Variants in SPTBN5 observed in about 807,000 individuals in gnomAD.
SPTBN5 encodes the protein spectrin beta, non-erythrocytic 5, also known as spectrin beta chain, non-erythrocytic 5.
SPTBN5 carries 513 observed loss-of-function variants against 477.6 expected under a neutral mutation model. That is an observed-to-expected ratio of 1.07 (90% confidence interval 1.00 to 1.16). The LOEUF (loss-of-function observed/expected upper bound fraction) is 1.16, where lower values mean the gene tolerates loss of function less well. SPTBN5 is among the 50% of genes most tolerant of loss of function. The pLI, the probability that SPTBN5 is intolerant of heterozygous loss-of-function variation, is 0.00. For synonymous variants in SPTBN5, 2,169 were observed against 2,011.7 expected, an observed-to-expected ratio of 1.08 and a Z score of -2.09; for missense variants, 5,062 against 4,731.8, an observed-to-expected ratio of 1.07 and a Z score of -2.05.
chr15:41,857,252 C>T lies in SPTBN5; in HGVS notation c.8607G>A (p.Arg2869=), dbSNP rs1395034051. Residue 2869 remains arginine, a synonymous_variant, in exon 51 of 68, where the codon CGG becomes CGA. Transcript: ENST00000320955. ...CLAQDVEEQA[R]RLLQRFKSLR... is the part of the protein sequence containing the mutation. Reference sequence around the variant, plus strand: ...GGTGGATCTACCTCTGAAGCAGCCGCCGGGCCTGCTCTTCCACATCTTGGG... The same window carrying T: ...GGTGGATCTACCTCTGAAGCAGCCGTCGGGCCTGCTCTTCCACATCTTGGG... The T allele has an allele frequency of 1.3e-6, 2 of 1,583,576 alleles. No homozygotes were observed. The highest frequency in any genetic ancestry group is 2.3e-5 in the South Asian group (2 of 87,260).
chr15:41,863,648 C>T, intron 41 of SPTBN5, 56 bp downstream of exon 41: 1 of 1,405,328 alleles, frequency 7.1e-7, no homozygotes, highest in Non-Finnish European at 1.0e-6. Flanking sequence ...GGCAGTGCCC[C>T]CTCCCCTGAC....
chr15:41,859,973 A>G (rs761915802), intron 47 of SPTBN5, among the ~76,000 whole-genome samples: 18 of 152,202 alleles, frequency 1.2e-4, no homozygotes, highest in Non-Finnish European at 2.4e-4. Context: ...TTGATCTAAA[A>G]GTCTGAGGAG....
chr15:41,855,640 C>A lies in SPTBN5; in HGVS notation c.9127G>T (p.Ala3043Ser). 6.2e-7 allele frequency: 1 copy of A among 1,608,132 alleles called. No homozygotes were observed. Among genetic ancestry groups the A allele is most frequent in the Non-Finnish European group, 8.5e-7 (1 of 1,178,982 alleles). The change falls in exon 54 of 68, where the codon GCC becomes TCC. Residue 3043 changes from alanine (A) to serine (S), a missense_variant. Physicochemically the swap from Ala to Ser is moderately conservative, Grantham distance 99. Transcript: ENST00000320955. ...AACGCTTCCAGGTCTCTCTTGGTGG[C>A]CTCCAGCCGCCGCAGAAGGGCCTGT... is the stretch of plus-strand genomic sequence containing the variant. The part of the protein sequence containing the change: ...ATQALLRRLE[A>S]TKRDLEAFSP...
At chr15:41,859,047 T>C in intron 47 of SPTBN5, 67 bp from the exon 48 acceptor site, 1 of 1,307,296 alleles carries the variant, frequency 7.6e-7, no homozygotes, top group Non-Finnish European at 1.0e-6. Context: ...CCGTCCAGCC[T>C]AGGCTTTCTC....
chr15:41,854,194 T>C lies in SPTBN5; in HGVS notation c.9630A>G (p.Ala3210=). 1 of 1,598,168 alleles carries C rather than the reference T, an allele frequency of 6.3e-7. No individual in the cohort carries two copies. The highest frequency in any genetic ancestry group is 8.5e-7 in the Non-Finnish European group (1 of 1,172,632). ...AIKARTENLA[A]AHEVHSFQQA... ...GCTGAAAGCTGTGGACCTCATGGGC[T>C]GCAGCCAAGTTCTGGGAGAGGAGAA... Residue 3210 remains alanine (A), a synonymous_variant, in exon 57 of 68, where the codon GCA becomes GCG. Coordinates refer to ENST00000320955, the MANE Select transcript of SPTBN5 (RefSeq NM_016642.4).
At chr15:41,852,110 ACAGCCC>A (rs1204808866) in intron 62 of SPTBN5, 66 bp downstream of exon 62, 3 of 1,502,250 alleles carry the variant, frequency 2.0e-6, no homozygotes, top group South Asian at 1.3e-5. Flanking sequence ...CCTCACCCCC[ACAGCCC>A]CAGCCCCACT....
Position 41,856,192 on chromosome 15 carries a change from G to A in SPTBN5, c.9021+194C>T, listed in dbSNP as rs559643987. Among the ~76,000 whole-genome samples, 9 of 152,356 alleles carry A rather than the reference G, an allele frequency of 5.9e-5. No individual in the cohort carries two copies. In the South Asian group the frequency reaches 1.9e-3, roughly 32 times the overall value. ...CTGGTTGAGACCCACTGATCTAGAGGGAAAAAAGACAAAAGCCAACCCAGC... is the reference window on the plus strand; with the variant it reads ...CTGGTTGAGACCCACTGATCTAGAGAGAAAAAAGACAAAAGCCAACCCAGC... On this transcript the variant is annotated intron_variant, in intron 53 of 67. Coordinates refer to ENST00000320955, the MANE Select transcript of SPTBN5 (RefSeq NM_016642.4).
chr15:41,883,618 A>G, intron 7 of SPTBN5, 132 bp from the exon 8 acceptor site: 1 of 1,022,588 alleles, frequency 9.8e-7, no homozygotes, highest in Non-Finnish European at 1.4e-6. Context: ...AGGTCTATGG[A>G]CTCTGACAGC....
intron 43 of SPTBN5, 100 bp from the exon 44 acceptor site, chr15:41,862,392 G>T: frequency 6.6e-7 from 1 of 1,520,284 alleles, no homozygotes; most frequent in Non-Finnish European, 8.8e-7. Context: ...CCACAGGAGG[G>T]CCCATGGGCT....
chr15:41,854,775 C>G lies in SPTBN5; in HGVS notation c.9618+7G>C. 1 of 1,511,576 alleles carries G rather than the reference C, an allele frequency of 6.6e-7. No individual in the cohort carries two copies. The highest frequency in any genetic ancestry group is 1.3e-5 in the South Asian group (1 of 75,518). The allele number at this position is 1,511,576 out of a possible 1,614,324, so 93.6% of individuals were successfully genotyped here. A position where few individuals can be genotyped will look rare whatever the true frequency, so the allele number is the denominator to read the frequency against. ...CCCTTAGCTTGGCCCGGCCTGTGAT[C>G]ACCTACCTCTGTGCGGGCTTTTATT... On this transcript the variant is annotated splice_region_variant and intron_variant, in intron 56 of 67. Coordinates refer to ENST00000320955, the MANE Select transcript of SPTBN5 (RefSeq NM_016642.4).
At position 41,850,867 on chromosome 15, in the gene SPTBN5, C is replaced by A. The variant is rs969206809; in HGVS notation, c.10908G>T (p.Leu3636=). Residue 3636 remains leucine (L), a synonymous_variant, in exon 66 of 68, where the codon CTG becomes CTT. Transcript: ENST00000320955. ...EEQAESWWRA[L]GSTAAQSLSP... is the part of the protein sequence containing the mutation. Reference sequence around the variant, plus strand: ...CCTGAAGCCCACCTGCAGTGCTGCCCAGGGCTCGCCACCAGCTCTCAGCCT... The same window carrying A: ...CCTGAAGCCCACCTGCAGTGCTGCCAAGGGCTCGCCACCAGCTCTCAGCCT... 1 of 1,599,152 alleles carries A rather than the reference C, an allele frequency of 6.3e-7. No individual in the cohort carries two copies. Among genetic ancestry groups the A allele is most frequent in the East Asian group, 2.3e-5 (1 of 44,050 alleles).
In SPTBN5 at chr15:41,852,429, C is replaced by T. The variant is rs565674583; in HGVS notation, c.10450-113G>A. ...CCTCCCGGTCAGAGGGGGCCTGCCT[C>T]CCCATCACTAGCTCTTTCAGCTTTG... On this transcript the variant is annotated intron_variant, in intron 61 of 67. Coordinates refer to ENST00000320955, the MANE Select transcript of SPTBN5 (RefSeq NM_016642.4). 8 of 1,404,512 alleles carry T rather than the reference C, an allele frequency of 5.7e-6. No homozygotes were observed. The East Asian group carries it at 1.7e-4, about 30-fold the overall frequency. The allele number at this position is 1,404,512 out of a possible 1,614,324, so 87.0% of individuals were successfully genotyped here. A position where few individuals can be genotyped will look rare whatever the true frequency, so the allele number is the denominator to read the frequency against.
chr15:41,884,514 C>T (rs759271150), intron 7 of SPTBN5, among the ~76,000 whole-genome samples: 35 of 152,168 alleles, frequency 2.3e-4, no homozygotes, highest in Non-Finnish European at 4.1e-4. Flanking sequence ...GAACCCCACC[C>T]CTTGTCACCA....
At position 41,874,715 on chromosome 15, in the gene SPTBN5, C is replaced by A. The variant is rs1314520615; in HGVS notation, c.4502+127G>T. On this transcript the variant is annotated intron_variant, in intron 23 of 67. Transcript: ENST00000320955. ...AAGCATAATGGGGTCTCCGACCCTCCCATCCCAGAATGACTCTACTCATAA... is the reference window on the plus strand; with the variant it reads ...AAGCATAATGGGGTCTCCGACCCTCACATCCCAGAATGACTCTACTCATAA... The A allele has an allele frequency of 3.9e-6, 4 of 1,038,910 alleles. No individual in the cohort carries two copies. The Admixed American group carries it at 1.1e-4, about 29-fold the overall frequency. The allele number at this position is 1,038,910 out of a possible 1,614,324, so 64.4% of individuals were successfully genotyped here.
rs901922996 is a variant in SPTBN5 at position 41,882,856 on chromosome 15, A to G, written c.1893-118T>C. On this transcript the variant is annotated intron_variant, in intron 9 of 67. Coordinates refer to ENST00000320955, the MANE Select transcript of SPTBN5 (RefSeq NM_016642.4). ...GATTTTTCTTTTCCCTGGATGACTC[A>G]ACAGGTGAGACGGAGGCTTTGGAAG... is the stretch of plus-strand genomic sequence containing the variant. 11 of 1,403,820 alleles carry G rather than the reference A, an allele frequency of 7.8e-6. No homozygotes were observed. The African/African-American group carries it at 1.4e-4, about 18-fold the overall frequency. 87.0% of individuals were successfully genotyped at this position (1,403,820 alleles called of 1,614,324 possible).
At position 41,878,581 on chromosome 15, in the gene SPTBN5, C is replaced by T. The variant is rs2066829282; in HGVS notation, c.3231G>A (p.Val1077=). Residue 1077 remains valine, a synonymous_variant, in exon 17 of 68, where the codon GTG becomes GTA. Coordinates refer to ENST00000320955, the MANE Select transcript of SPTBN5 (RefSeq NM_016642.4). Reference sequence around the variant, plus strand: ...GCTTCAGCAGCCCCTGCAGTGTCTCCACCTGTCCTTGCAGAGGCTGGCTCT... The same window carrying T: ...GCTTCAGCAGCCCCTGCAGTGTCTCTACCTGTCCTTGCAGAGGCTGGCTCT... ...YAESQPLQGQ[V]ETLQGLLKQV... 6.2e-7 allele frequency: 1 copy of T among 1,612,804 alleles called. No individual in the cohort carries two copies. Among genetic ancestry groups the T allele is most frequent in the Non-Finnish European group, 8.5e-7 (1 of 1,179,750 alleles).
chr15:41,863,699 C>T lies in SPTBN5; in HGVS notation c.7149+5G>A, dbSNP rs763082706. ...CCCCCACCGGGACCTCTTTCCACCA[C>T]GTACCTTCTCCTGAATCCTCTTGGT... is the stretch of plus-strand genomic sequence containing the variant. On this transcript the variant is annotated splice_donor_5th_base_variant and intron_variant, in intron 41 of 67. Transcript: ENST00000320955. 1.9e-5 allele frequency: 31 copies of T among 1,611,192 alleles called. No homozygotes were observed. Among genetic ancestry groups the T allele is most frequent in the African/African-American group, 1.5e-4 (11 of 74,890 alleles).
Position 41,876,808 on chromosome 15 carries a change from C to T in SPTBN5, c.3851+1G>A, listed in dbSNP as rs757364389. 75 of 1,609,852 alleles carry T rather than the reference C, an allele frequency of 4.7e-5. No individual in the cohort carries two copies. Among genetic ancestry groups the T allele is most frequent in the South Asian group, 2.3e-4 (21 of 90,976 alleles). ...GTGCTGCAGACTGAGGCCAGGCTCA[C>T]GTGTGTGCAGCTGGGTGCTGGCTCT... On this transcript the variant is annotated splice_donor_variant, in intron 19 of 67. Coordinates refer to ENST00000320955, the MANE Select transcript of SPTBN5 (RefSeq NM_016642.4). LOFTEE classifies it high-confidence loss of function.
Position 41,871,528 on chromosome 15 carries a change from G to C in SPTBN5, c.5302-8C>G. 6.8e-7 allele frequency: 1 copy of C among 1,469,228 alleles called. No homozygotes were observed. The highest frequency in any genetic ancestry group is 9.1e-7 in the Non-Finnish European group (1 of 1,104,220). The allele number at this position is 1,469,228 out of a possible 1,614,324, so 91.0% of individuals were successfully genotyped here. On this transcript the variant is annotated splice_region_variant and splice_polypyrimidine_tract_variant and intron_variant, in intron 28 of 67. Coordinates refer to ENST00000320955, the MANE Select transcript of SPTBN5 (RefSeq NM_016642.4). ...AAACTTGGTGCAGAGGTGCTGAGAA[G>C]AGGGGAGTGGGTGACAGGGTAGCCC... is the stretch of plus-strand genomic sequence containing the variant.
Sources: gnomAD v4.1 joint callset for allele counts (sites outside exome capture counted in the v4.1 genomes callset) on GRCh38, gnomAD v4.1.1 for gene constraint, MANE v1.5 for transcripts, NCBI Gene and HGNC (gene_info 2026-07-23, HGNC 2026-07-21) for gene names.